TCF7L1: variants seen among roughly 807,000 people sequenced by gnomAD.
TCF7L1 encodes the protein transcription factor 7-like 1.
Under a neutral mutation model 63.7 loss-of-function variants are expected in TCF7L1, and 18 were observed. The observed-to-expected ratio is 0.28, with a 90% CI of 0.20 to 0.42. TCF7L1 has a LOEUF of 0.42. Among genes scored for constraint, TCF7L1 ranks in the 10% least tolerant of loss-of-function variants. The probability of loss-of-function intolerance (pLI) is 1.00; values close to 1 mark genes in which losing one functional copy is unlikely to be tolerated. For synonymous variants in TCF7L1, 355 were observed against 340.9 expected, an observed-to-expected ratio of 1.04 and a Z score of -0.46; for missense variants, 654 against 779.3, an observed-to-expected ratio of 0.84 and a Z score of 1.91.
chr2:85,295,337 G>A (rs1166232890), intron 4 of TCF7L1, among the ~76,000 whole-genome samples: 4 of 152,042 alleles, frequency 2.6e-5, no homozygotes, highest in Non-Finnish European at 5.9e-5. Context: ...TAGTAGCTGG[G>A]ATTACAGGCA....
At chr2:85,141,884 G>T (rs1260926870) in intron 3 of TCF7L1, among the ~76,000 whole-genome samples, 1 of 152,184 alleles carries the variant, frequency 6.6e-6, no homozygotes, top group East Asian at 1.9e-4. Context: ...ATGGCTTCTT[G>T]GTATTCTCAG....
intron 3 of TCF7L1, among the ~76,000 whole-genome samples, chr2:85,135,938 G>T (rs1053833961): frequency 1.3e-5 from 2 of 150,546 alleles, no homozygotes; most frequent in Admixed American, 1.3e-4. Flanking sequence ...CAAAGGGGGG[G>T]GGGGATCAAC....
At chr2:85,162,004 C>T (rs1678297576) in intron 3 of TCF7L1, among the ~76,000 whole-genome samples, 1 of 151,698 alleles carries the variant, frequency 6.6e-6, no homozygotes, top group Non-Finnish European at 1.5e-5. Context: ...GGTCTGCCCT[C>T]AAGATAGAGG....
intron 3 of TCF7L1, among the ~76,000 whole-genome samples, chr2:85,239,940 C>T (rs1163568920): frequency 2.0e-4 from 19 of 95,706 alleles, no homozygotes; most frequent in African/African-American, 7.7e-4. Context: ...AGCGAGACTC[C>T]ATCTAAAAAA....
chr2:85,230,633 C>G (rs1680055337), intron 3 of TCF7L1, among the ~76,000 whole-genome samples: 1 of 152,164 alleles, frequency 6.6e-6, no homozygotes, highest in South Asian at 2.1e-4. Context: ...CCACGCCCAA[C>G]CTTAGAAACA....
intron 3 of TCF7L1, among the ~76,000 whole-genome samples, chr2:85,178,270 A>G (rs1415723773): frequency 6.6e-6 from 1 of 152,238 alleles, no homozygotes; most frequent in Non-Finnish European, 1.5e-5. Flanking sequence ...TTCACCTGCC[A>G]TTAGCTGGTT....
intron 3 of TCF7L1, among the ~76,000 whole-genome samples, chr2:85,270,856 A>AT (rs923590063): frequency 4.0e-5 from 6 of 151,658 alleles, no homozygotes; most frequent in Non-Finnish European, 7.4e-5. Flanking sequence ...CACCTGGCTA[A>AT]TTTTTTTTGT....
chr2:85,134,576 A>T lies in TCF7L1; in HGVS notation c.441+126A>T. On this transcript the variant is annotated intron_variant, in intron 3 of 11. Coordinates refer to ENST00000282111, the MANE Select transcript of TCF7L1 (RefSeq NM_031283.3). The surrounding 1 kb of genome is among the most constrained non-coding windows in gnomAD (Gnocchi z 5.0). ...GATCCCAAGCAGAACTTGTTTGCGG[A>T]GTTGAACTACTCTCTGGCGGCCGAG... The T allele has an allele frequency of 8.1e-6, 10 of 1,229,138 alleles. No individual in the cohort carries two copies. The highest frequency in any genetic ancestry group is 1.5e-5 in the African/African-American group (1 of 64,750). 76.1% of individuals were successfully genotyped at this position (1,229,138 alleles called of 1,614,324 possible).
chr2:85,169,715 C>T (rs1678502564), intron 3 of TCF7L1, among the ~76,000 whole-genome samples: 2 of 152,108 alleles, frequency 1.3e-5, no homozygotes, highest in Admixed American at 6.5e-5. Flanking sequence ...TCTGGGCACC[C>T]GTGCTGCCAT....
At position 85,153,340 on chromosome 2, in the gene TCF7L1, A is replaced by ATTTTTTTTTT. The variant is rs66697146; in HGVS notation, c.441+18900_441+18909dup. On this transcript the variant is annotated intron_variant, in intron 3 of 11. Transcript: ENST00000282111. ...TTCATGATCTTGCTAGCCTTTATAA[A>ATTTTTTTTTT]TTTTTTTTTTTTTTTTTTTGAGATG... Among the ~76,000 whole-genome samples, 361 of 102,220 alleles carry ATTTTTTTTTT rather than the reference A, an allele frequency of 3.5e-3. 38 individuals carry two copies. The highest frequency in any genetic ancestry group is 0.015 in the South Asian group (45 of 3,068). 67.1% of individuals were successfully genotyped at this position (102,220 alleles called of 152,430 possible).
intron 3 of TCF7L1, among the ~76,000 whole-genome samples, chr2:85,199,481 G>A (rs986708273): frequency 6.6e-6 from 1 of 152,158 alleles, no homozygotes; most frequent in Non-Finnish European, 1.5e-5. Flanking sequence ...TCAAATTCTA[G>A]GGCAGTGGTT....
At chr2:85,158,149 A>G (rs1034242798) in intron 3 of TCF7L1, among the ~76,000 whole-genome samples, 1 of 152,198 alleles carries the variant, frequency 6.6e-6, no homozygotes, top group Non-Finnish European at 1.5e-5. Flanking sequence ...GGCAGGGGCT[A>G]GGAGAGCTGA....
At chr2:85,293,086 T>C (rs1024129590) in intron 4 of TCF7L1, among the ~76,000 whole-genome samples, 2 of 152,242 alleles carry the variant, frequency 1.3e-5, no homozygotes, top group Non-Finnish European at 2.9e-5. Flanking sequence ...ATGTGGCAGA[T>C]ACAAAAGAAG....
At chr2:85,138,735 A>G (rs926945314) in intron 3 of TCF7L1, among the ~76,000 whole-genome samples, 1 of 152,208 alleles carries the variant, frequency 6.6e-6, no homozygotes, top group Non-Finnish European at 1.5e-5. Flanking sequence ...GTTTGGTCAC[A>G]TTCTTCATTG....
At chr2:85,178,735 C>G (rs942460190) in intron 3 of TCF7L1, among the ~76,000 whole-genome samples, 1 of 152,194 alleles carries the variant, frequency 6.6e-6, no homozygotes, top group Admixed American at 6.5e-5. Context: ...CACTGAAGCC[C>G]TGGCTCAGCC....
rs1354525590 is a variant in TCF7L1, at chr2:85,133,774, C to A, written c.90C>A (p.Asp30Glu). 1.6e-6 allele frequency: 2 copies of A among 1,260,106 alleles called. No homozygotes were observed. Among genetic ancestry groups the A allele is most frequent in the Non-Finnish European group, 2.0e-6 (2 of 999,858 alleles). The allele number at this position is 1,260,106 out of a possible 1,614,324, so 78.1% of individuals were successfully genotyped here. Reference protein sequence around the residue: ...GSSAGAAGGGDDLGANDELIP... With the variant: ...GSSAGAAGGGEDLGANDELIP... ...GCGCCGGGGCGGCCGGCGGAGGGGA[C>A]GACCTCGGGGCGAACGACGAGCTGA... The change falls in exon 1 of 12, where the codon GAC becomes GAA. Residue 30 changes from aspartate (D) to glutamate (E), a missense_variant. Asp to Glu is a conservative substitution (Grantham distance 45, BLOSUM62 2). Coordinates refer to ENST00000282111, the MANE Select transcript of TCF7L1 (RefSeq NM_031283.3). This position sits in a 1 kb window ranked among gnomAD's most constrained non-coding sequence, Gnocchi z 4.4.
chr2:85,269,648 A>C (rs1480519883), intron 3 of TCF7L1, among the ~76,000 whole-genome samples: 1 of 152,216 alleles, frequency 6.6e-6, no homozygotes, highest in African/African-American at 2.4e-5. Flanking sequence ...TAAATACTTA[A>C]ATATTTTAAG....
At chr2:85,234,691 C>A (rs1680158081) in intron 3 of TCF7L1, among the ~76,000 whole-genome samples, 1 of 152,146 alleles carries the variant, frequency 6.6e-6, no homozygotes, top group African/African-American at 2.4e-5. Context: ...TGATACCTTT[C>A]TAAATCACAA....
chr2:85,265,663 G>A (rs1443966961), intron 3 of TCF7L1, among the ~76,000 whole-genome samples: 1 of 152,140 alleles, frequency 6.6e-6, no homozygotes, highest in African/African-American at 2.4e-5. Context: ...GCCCTAATGG[G>A]AACGGTTGGG....
Sources: gnomAD v4.1 joint callset for allele counts (sites outside exome capture counted in the v4.1 genomes callset) on GRCh38, gnomAD v4.1.1 for gene constraint, Gnocchi (gnomAD v3.1) non-coding constraint, MANE v1.5 for transcripts, NCBI Gene and HGNC (gene_info 2026-07-23, HGNC 2026-07-21) for gene names.